SPAG9: variants seen among roughly 807,000 people sequenced by gnomAD.
SPAG9 encodes C-Jun-amino-terminal kinase-interacting protein 4.
Under a neutral mutation model 166.5 loss-of-function variants are expected in SPAG9, and 35 were observed. The ratio of observed to expected loss-of-function variants is 0.21; its 90% CI spans 0.16 to 0.28. The LOEUF (loss-of-function observed/expected upper bound fraction) is 0.28, where lower values mean the gene tolerates loss of function less well. Ranked by LOEUF, SPAG9 falls within the 10% of genes least tolerant of loss-of-function variation. The pLI is 1.00. For missense variants in SPAG9, 1,235 were observed against 1,603.3 expected (o/e 0.77, Z 3.92); for synonymous variants, 534 against 565.5 (o/e 0.94, Z 0.79).
chr17:51,112,302 G>A (rs746618241), intron 1 of SPAG9, among the ~76,000 whole-genome samples: 1 of 149,020 alleles, frequency 6.7e-6, no homozygotes, highest in Admixed American at 6.8e-5. Context: ...GGGAGGCTGA[G>A]GTAAGAAAAT....
intron 1 of SPAG9, among the ~76,000 whole-genome samples, chr17:51,115,339 C>G (rs116680389): frequency 2.0e-5 from 3 of 151,968 alleles, no homozygotes; most frequent in African/African-American, 7.3e-5. Context: ...CAGGCTCACA[C>G]CATCACACCC....
At chr17:51,094,862 G>A (rs1253768578) in intron 1 of SPAG9, among the ~76,000 whole-genome samples, 1 of 152,202 alleles carries the variant, frequency 6.6e-6, no homozygotes, top group East Asian at 1.9e-4. Flanking sequence ...AAAATATATA[G>A]CTATGTACTT....
At chr17:51,091,460 G>A (rs1042788858) in intron 1 of SPAG9, among the ~76,000 whole-genome samples, 2 of 151,898 alleles carry the variant, frequency 1.3e-5, no homozygotes, top group African/African-American at 4.8e-5. Flanking sequence ...CAGGAGAAGC[G>A]CAGCAGTTTT....
intron 6 of SPAG9, chr17:51,031,374 T>C: frequency 2.7e-6 from 1 of 367,158 alleles, no homozygotes; most frequent in Non-Finnish European, 5.1e-6. Flanking sequence ...CTGAAGAAGG[T>C]ATTTCTGGAA....
intron 1 of SPAG9, among the ~76,000 whole-genome samples, chr17:51,119,033 C>CA (rs3079111): frequency 0.21 from 20,196 of 95,760 alleles, 2,524 homozygotes; most frequent in African/African-American, 0.33. Flanking sequence ...GACTACGTCT[C>CA]AAAAAAAAAA....
intron 15 of SPAG9, among the ~76,000 whole-genome samples, chr17:50,997,644 C>T (rs1029935030): frequency 6.6e-6 from 1 of 152,198 alleles, no homozygotes; most frequent in Admixed American, 6.5e-5. Flanking sequence ...ACCTATATGT[C>T]AGATACTTTA....
chr17:50,975,876 T>C, intron 27 of SPAG9: 1 of 1,535,726 alleles, frequency 6.5e-7, no homozygotes, highest in Non-Finnish European at 8.7e-7. Flanking sequence ...TCAGCCCCAG[T>C]AAACGTCCCT....
At chr17:51,066,463 G>A (rs1186323102) in intron 2 of SPAG9, among the ~76,000 whole-genome samples, 2 of 148,998 alleles carry the variant, frequency 1.3e-5, no homozygotes, top group Non-Finnish European at 3.0e-5. Context: ...GCTGAGACAG[G>A]AGAATTGCTT....
At chr17:51,035,733 C>T (rs2046561115) in intron 5 of SPAG9, among the ~76,000 whole-genome samples, 1 of 152,202 alleles carries the variant, frequency 6.6e-6, no homozygotes, top group Admixed American at 6.5e-5. Context: ...TATGAGAACT[C>T]TCTAAAATTT....
chr17:50,970,782 C>T lies in SPAG9; in HGVS notation c.3775G>A (p.Glu1259Lys), dbSNP rs201587896. ...TGDKAGPSAQEPGSQTPLKSM... is the reference protein window; with the variant it reads ...TGDKAGPSAQKPGSQTPLKSM... ...TTCAAGGGCGTCTGACTACCAGGCT[C>T]CTGTGCAGATGGCCCTGCTTTGTCA... Residue 1259 changes from glutamate to lysine, a missense_variant, in exon 29 of 30, where the codon GAG becomes AAG. Coordinates refer to ENST00000262013, the MANE Select transcript of SPAG9 (RefSeq NM_001130528.3). The T allele has an allele frequency of 4.1e-4, 665 of 1,614,158 alleles. No individual in the cohort carries two copies. Among genetic ancestry groups the T allele is most frequent in the Non-Finnish European group, 5.2e-4 (619 of 1,180,014 alleles).
chr17:51,115,038 G>A (rs1430023774), intron 1 of SPAG9, among the ~76,000 whole-genome samples: 1 of 151,988 alleles, frequency 6.6e-6, no homozygotes, highest in East Asian at 1.9e-4. Flanking sequence ...TGAGTCTTAC[G>A]GGTCCCATGT....
intron 4 of SPAG9, chr17:51,046,818 A>AT (rs1244160438): frequency 6.5e-7 from 1 of 1,533,332 alleles, no homozygotes; most frequent in African/African-American, 1.4e-5. Context: ...CTCCCAAGCG[A>AT]TGACGTCATT....
intron 26 of SPAG9, 39 bp downstream of exon 26, chr17:50,979,707 C>A (rs373737519): frequency 7.6e-6 from 12 of 1,581,516 alleles, no homozygotes; most frequent in Non-Finnish European, 1.0e-5. Context: ...ATAAAACACC[C>A]TCTTTGACTG....
At chr17:51,089,048 C>T (rs1275656973) in intron 1 of SPAG9, among the ~76,000 whole-genome samples, 3 of 147,574 alleles carry the variant, frequency 2.0e-5, no homozygotes, top group East Asian at 2.1e-4. Flanking sequence ...AGCGAGATTG[C>T]GCCACTGCAC....
intron 2 of SPAG9, among the ~76,000 whole-genome samples, chr17:51,065,814 C>T (rs1419920613): frequency 2.0e-5 from 3 of 152,328 alleles, no homozygotes; most frequent in Admixed American, 6.5e-5. Flanking sequence ...ACCCTCCACA[C>T]ACGATGCTCC....
intron 8 of SPAG9, chr17:51,014,638 G>A (rs1391371782): frequency 3.8e-6 from 1 of 262,676 alleles, no homozygotes; most frequent in Non-Finnish European, 7.1e-6. Context: ...TGGTCTCAGT[G>A]CTTCCCATAG....
rs541289727 is a variant in SPAG9 at position 50,970,720 on chromosome 17, G to A, written c.3837C>T (p.Ile1279=). The A allele has an allele frequency of 3.1e-6, 5 of 1,613,828 alleles. No individual in the cohort carries two copies. The East Asian group carries it at 8.9e-5, about 29-fold the overall frequency. The change falls in exon 29 of 30, where the codon ATC becomes ATT. Residue 1279 remains isoleucine, a synonymous_variant. Coordinates refer to ENST00000262013, the MANE Select transcript of SPAG9 (RefSeq NM_001130528.3). ...CCAATGACATACCCATTCGGAAGTC[G>A]ATGTAGCCCTCTCCTCCACTGATGA... The part of the protein sequence containing the change: ...MLVISGGEGY[I]DFRMGDEGGE...
At chr17:51,080,886 CAAA>C (rs200436430) in intron 1 of SPAG9, among the ~76,000 whole-genome samples, 1 of 67,850 alleles carries the variant, frequency 1.5e-5, no homozygotes, top group Non-Finnish European at 2.5e-5. Flanking sequence ...GACTCTATCT[CAAA>C]AAAAAAAAAA....
intron 25 of SPAG9, among the ~76,000 whole-genome samples, chr17:50,980,389 G>A (rs1420929501): frequency 6.6e-6 from 1 of 151,770 alleles, no homozygotes; most frequent in African/African-American, 2.4e-5. Context: ...ATTTTTAGTA[G>A]AGACAGGCTT....
Sources: gnomAD v4.1 joint callset for allele counts (sites outside exome capture counted in the v4.1 genomes callset) on GRCh38, gnomAD v4.1.1 for gene constraint, MANE v1.5 for transcripts, NCBI Gene and HGNC (gene_info 2026-07-23, HGNC 2026-07-21) for gene names.